RGS6: variants seen among roughly 807,000 people sequenced by gnomAD.
RGS6 encodes regulator of G protein signaling 6, also known as regulator of G-protein signaling 6.
In RGS6, 30 loss-of-function variants were observed where a neutral mutation model predicts 78.5. That is an observed-to-expected ratio of 0.38 (90% CI 0.29 to 0.52). The LOEUF (loss-of-function observed/expected upper bound fraction) is 0.52. Among genes scored for constraint, RGS6 ranks in the 20% least tolerant of loss-of-function variants. RGS6 has a pLI of 0.85. For synonymous variants in RGS6, 206 were observed against 206.0 expected (o/e 1.00, Z 0.00); for missense variants, 495 against 609.7 (o/e 0.81, Z 1.98).
intron 2 of RGS6, among the ~76,000 whole-genome samples, chr14:72,248,283 C>A (rs1047583608): frequency 2.6e-5 from 4 of 152,090 alleles, no homozygotes; most frequent in African/African-American, 9.7e-5. Context: ...ATATGAGAAG[C>A]CAGCTGTGGT....
chr14:71,981,463 A>T (rs2094447665), intron 2 of RGS6, among the ~76,000 whole-genome samples: 1 of 151,842 alleles, frequency 6.6e-6, no homozygotes, highest in African/African-American at 2.4e-5. Context: ...TCTGTTTGTT[A>T]GTTTTCCTTC....
intron 17 of RGS6, 62 bp downstream of exon 17, chr14:72,540,156 TC>T (rs1419634404): frequency 4.7e-6 from 7 of 1,479,822 alleles, no homozygotes; most frequent in South Asian, 3.8e-5. Context: ...TCTTTCTTCT[TC>T]TTTTTTTTTT....
chr14:72,540,168 T>C (rs768268144), intron 17 of RGS6, 74 bp downstream of exon 17: 1 of 1,531,084 alleles, frequency 6.5e-7, no homozygotes, highest in Admixed American at 2.0e-5. Context: ...TTTTTTTTTT[T>C]TTTCCCTTTG....
intron 2 of RGS6, among the ~76,000 whole-genome samples, chr14:72,179,162 T>C (rs1468281613): frequency 6.6e-6 from 1 of 152,208 alleles, no homozygotes; most frequent in African/African-American, 2.4e-5. Context: ...TTGGAACAGA[T>C]TATTCCAAAA....
At chr14:72,396,621 C>T (rs377752318) in intron 3 of RGS6, among the ~76,000 whole-genome samples, 1 of 152,050 alleles carries the variant, frequency 6.6e-6, no homozygotes, top group Non-Finnish European at 1.5e-5. Context: ...TCCTTGCCCA[C>T]GCCTATGTCC....
the RGS6 span, among the ~76,000 whole-genome samples, chr14:71,905,305 C>A: frequency 6.6e-6 from 1 of 152,194 alleles, no homozygotes; most frequent in African/African-American, 2.4e-5. Context: ...AACCTCAGCT[C>A]TTTGCCCTTT....
intron 2 of RGS6, among the ~76,000 whole-genome samples, chr14:72,199,090 A>G (rs1405859325): frequency 2.0e-5 from 3 of 152,196 alleles, no homozygotes; most frequent in African/African-American, 7.2e-5. Context: ...GTGAGGGAGT[A>G]TGACACTTTC....
intron 2 of RGS6, among the ~76,000 whole-genome samples, chr14:72,254,460 T>C (rs1243405692): frequency 6.6e-6 from 1 of 152,122 alleles, no homozygotes; most frequent in African/African-American, 2.4e-5. Flanking sequence ...CCTCATCTGC[T>C]GCTTGACAGT....
chr14:71,895,101 T>C, the RGS6 span, among the ~76,000 whole-genome samples: 1 of 151,862 alleles, frequency 6.6e-6, no homozygotes, highest in Non-Finnish European at 1.5e-5. Flanking sequence ...GGGAGGAGGC[T>C]TATGGGCAAA....
At chr14:72,516,021 C>T (rs2096938318) in intron 14 of RGS6, among the ~76,000 whole-genome samples, 1 of 152,266 alleles carries the variant, frequency 6.6e-6, no homozygotes, top group South Asian at 2.1e-4. Flanking sequence ...TCAGCCCAGA[C>T]GGCCTCCCTC....
intron 2 of RGS6, among the ~76,000 whole-genome samples, chr14:72,105,828 G>T (rs2095621765): frequency 6.6e-6 from 1 of 152,188 alleles, no homozygotes; most frequent in Non-Finnish European, 1.5e-5. Flanking sequence ...AGAAGAGGAG[G>T]TAGAGTGAGT....
chr14:72,065,502 A>T (rs1316282730), intron 2 of RGS6, among the ~76,000 whole-genome samples: 2 of 152,164 alleles, frequency 1.3e-5, no homozygotes, highest in Non-Finnish European at 2.9e-5. Context: ...AGGTTCACTC[A>T]TTGTTTATTA....
intron 13 of RGS6, among the ~76,000 whole-genome samples, chr14:72,499,543 AT>A (rs1355112952): frequency 1.3e-5 from 2 of 152,138 alleles, no homozygotes; most frequent in Non-Finnish European, 2.9e-5. Flanking sequence ...TGTCGATCAG[AT>A]ATGTCACAAG....
intron 2 of RGS6, among the ~76,000 whole-genome samples, chr14:72,132,279 CTTTTT>C (rs529374337): frequency 1.4e-5 from 2 of 137,982 alleles, no homozygotes; most frequent in Non-Finnish European, 3.2e-5. Context: ...TCTTCTTCTT[CTTTTT>C]TTTTTTTTTT....
At chr14:72,073,342 G>A (rs963225599) in intron 2 of RGS6, among the ~76,000 whole-genome samples, 1 of 152,160 alleles carries the variant, frequency 6.6e-6, no homozygotes, top group Non-Finnish European at 1.5e-5. Flanking sequence ...AGTTCCTGCA[G>A]CATATTTTTG....
At position 72,469,309 on chromosome 14, in the gene RGS6, C is replaced by G. The variant is rs183279770; in HGVS notation, c.460-698C>G. 2.9e-3 allele frequency among the ~76,000 whole-genome samples: 433 copies of G among 151,666 alleles called. 1 individual carries two copies. The highest frequency in any genetic ancestry group is 0.01 in the African/African-American group (413 of 41,298). On this transcript the variant is annotated intron_variant, in intron 7 of 17. Coordinates refer to ENST00000553525, the MANE Select transcript of RGS6 (RefSeq NM_001204424.2). Reference sequence around the variant, plus strand: ...AACCTCCCCACCTCCCGGGTTCAAGCGACTCTCCTCCCTCAGTCTCCCAAA... The same window carrying G: ...AACCTCCCCACCTCCCGGGTTCAAGGGACTCTCCTCCCTCAGTCTCCCAAA...
the RGS6 span, among the ~76,000 whole-genome samples, chr14:71,883,507 G>C: frequency 2.0e-5 from 3 of 152,168 alleles, no homozygotes; most frequent in Non-Finnish European, 4.4e-5. Flanking sequence ...GCCTTTGTCA[G>C]AGGCATCTAA....
chr14:72,282,697 C>G (rs1358654944), intron 2 of RGS6, among the ~76,000 whole-genome samples: 1 of 152,200 alleles, frequency 6.6e-6, no homozygotes, highest in Non-Finnish European at 1.5e-5. Flanking sequence ...AAACTATCAT[C>G]ACAATCCAGG....
At chr14:72,388,251 TA>T (rs2088874296) in intron 3 of RGS6, among the ~76,000 whole-genome samples, 1 of 139,838 alleles carries the variant, frequency 7.2e-6, no homozygotes, top group African/African-American at 2.5e-5. Flanking sequence ...CACATACACA[TA>T]TATATATACA....
Sources: allele counts gnomAD v4.1 joint callset (sites outside exome capture counted in the v4.1 genomes callset), GRCh38; gene constraint gnomAD v4.1.1; transcripts MANE v1.5; gene names NCBI Gene and HGNC (gene_info 2026-07-23, HGNC 2026-07-21).